The following GPC2 variants were observed in gnomAD, a reference collection of about 807,000 sequenced individuals.
GPC2 encodes the protein glypican 2.
Under a neutral mutation model 57.3 loss-of-function variants are expected in GPC2, and 42 were observed. The ratio of observed to expected loss-of-function variants is 0.73; its 90% CI spans 0.57 to 0.95. The LOEUF is 0.95. Among genes scored for constraint, GPC2 ranks in the 40% least tolerant of loss-of-function variants. GPC2 has a pLI of 0.00. For synonymous variants in GPC2, 364 were observed against 343.4 expected, an observed-to-expected ratio of 1.06 and a Z score of -0.66; for missense variants, 745 against 793.6, an observed-to-expected ratio of 0.94 and a Z score of 0.74.
intron 5 of GPC2, among the ~76,000 whole-genome samples, chr7:100,172,622 T>G (rs1385101789): frequency 6.8e-6 from 1 of 147,082 alleles, no homozygotes. Context: ...CCTGCCACCA[T>G]GCCGGCTAAT....
rs746924048 is a variant in GPC2, at chr7:100,170,364, C to G, written c.1606G>C (p.Gly536Arg). Residue 536 changes from glycine to arginine, a missense_variant, in exon 10 of 10, where the codon GGG (glycine) becomes CGG (arginine). Physicochemically the swap from Gly to Arg is moderately radical, Grantham distance 125. This residue lies in a region of GPC2 where 607 missense variants were observed against 603.9 expected (regional missense o/e 1.01). Transcript: ENST00000292377. ...GCACTGCCACCTCCTCCTTTGCCCC[C>G]AGAACCATCCCTTCTAGGAGGGTAT... ...PPYPPRRDGS[G>R]GKGGGGSARY... 2.4e-5 allele frequency: 38 copies of G among 1,613,338 alleles called. No individual in the cohort carries two copies. In the South Asian group the frequency reaches 4.0e-4, roughly 17 times the overall value.
chr7:100,169,940 C>T lies in GPC2; in HGVS notation c.*290G>A, dbSNP rs372290975. ...CCTCATTTTCTCTGTTGGGGCTGATCACCAGCCCCAGCCTTAGAGGGCTAG... is the reference window on the plus strand; with the variant it reads ...CCTCATTTTCTCTGTTGGGGCTGATTACCAGCCCCAGCCTTAGAGGGCTAG... On this transcript the variant is annotated 3_prime_UTR_variant, in exon 10 of 10. Coordinates refer to ENST00000292377, the MANE Select transcript of GPC2 (RefSeq NM_152742.3). 9.9e-5 allele frequency: 24 copies of T among 242,710 alleles called. No individual in the cohort carries two copies. The East Asian group carries it at 1.5e-3, about 15-fold the overall frequency. The allele number at this position is 242,710 out of a possible 1,614,324, so 15.0% of individuals were successfully genotyped here. A position where few individuals can be genotyped will look rare whatever the true frequency, so the allele number is the denominator to read the frequency against.
chr7:100,172,833 A>T (rs57966707), intron 5 of GPC2, among the ~76,000 whole-genome samples: 36,475 of 146,762 alleles, frequency 0.25, 5,470 homozygotes, highest in East Asian at 0.6. Context: ...ATATATATAT[A>T]TTTTTTTCCG....
In GPC2 at chr7:100,170,346, C is replaced by T; in HGVS notation, c.1624G>A (p.Gly542Ser). Residue 542 changes from glycine to serine, a missense_variant, in exon 10 of 10, where the codon GGC (glycine) becomes AGC (serine). Coordinates refer to ENST00000292377, the MANE Select transcript of GPC2 (RefSeq NM_152742.3). ...CGGCCCTGGTTGTAGCGGGCACTGC[C>T]ACCTCCTCCTTTGCCCCCAGAACCA... ...RDGSGGKGGG[G>S]SARYNQGRSR... 1 of 1,613,434 alleles carries T rather than the reference C, an allele frequency of 6.2e-7. No individual in the cohort carries two copies. The highest frequency in any genetic ancestry group is 8.5e-7 in the Non-Finnish European group (1 of 1,179,770).
At chr7:100,174,878 C>T in intron 3 of GPC2, 113 bp from the exon 4 acceptor site, 1 of 724,570 alleles carries the variant, frequency 1.4e-6, no homozygotes, top group South Asian at 1.8e-5. Flanking sequence ...GGGGTTCTCT[C>T]AGAGTGGGTC....
Position 100,177,064 on chromosome 7 carries a change from A to G in GPC2, c.136T>C (p.Leu46=). ...ATCAGGGCGGGAGGGATTAGGTTTA[A>G]GCTATATCCCCGGGCCCCCAGCACC... ...RQVLGARGYS[L]NLIPPALISG... Residue 46 remains leucine (L), a synonymous_variant, in exon 1 of 10, where the codon TTA becomes CTA. Coordinates refer to ENST00000292377, the MANE Select transcript of GPC2 (RefSeq NM_152742.3). 6.3e-7 allele frequency: 1 copy of G among 1,597,692 alleles called. No homozygotes were observed. Among genetic ancestry groups the G allele is most frequent in the Non-Finnish European group, 8.5e-7 (1 of 1,171,386 alleles).
intron 1 of GPC2, 145 bp from the exon 2 acceptor site, chr7:100,176,510 A>G: frequency 1.4e-6 from 1 of 726,298 alleles, no homozygotes; most frequent in East Asian, 2.7e-5. Flanking sequence ...ACCTGAACCT[A>G]TCCCCTACCT....
At chr7:100,176,533 AC>A (rs1799287505) in intron 1 of GPC2, among the ~76,000 whole-genome samples, 168 bp from the exon 2 acceptor site, 1 of 151,784 alleles carries the variant, frequency 6.6e-6, no homozygotes, top group African/African-American at 2.4e-5. Context: ...TTGTCTCCTG[AC>A]CCATCCCAAG....
rs1035216305 is a variant in GPC2 at position 100,171,049 on chromosome 7, G to A, written c.1486+212C>T. The A allele has an allele frequency of 1.1e-5, 5 of 457,478 alleles. No individual in the cohort carries two copies. In the Admixed American group the frequency reaches 2.1e-4, roughly 19 times the overall value. 28.3% of individuals were successfully genotyped at this position (457,478 alleles called of 1,614,324 possible). On this transcript the variant is annotated intron_variant, in intron 9 of 9. Coordinates refer to ENST00000292377, the MANE Select transcript of GPC2 (RefSeq NM_152742.3). This position sits in a 1 kb window ranked among gnomAD's most constrained non-coding sequence, Gnocchi z 4.8. ...CCCACTGTTCTTTAAGAATGTTTTC[G>A]TGTCTCCCCTACTGGCCTGAAAGGA...
Position 100,176,255 on chromosome 7 carries a change from C to T in GPC2, c.277G>A (p.Gly93Ser), listed in dbSNP as rs978716287. The T allele has an allele frequency of 1.2e-5, 19 of 1,613,772 alleles. No individual in the cohort carries two copies. The East Asian group carries it at 1.6e-4, about 13-fold the overall frequency. Residue 93 changes from glycine (G) to serine (S), a missense_variant, in exon 2 of 10, where the codon GGC (glycine) becomes AGC (serine). Physicochemically the swap from Gly to Ser is moderately conservative, Grantham distance 56. Transcript: ENST00000292377. ...ATFRGLVEDS[G>S]SFLVHTLAAR... The stretch of plus-strand genomic sequence containing the variant: ...GCCAGTGTGTGAACCAGAAAGGAGC[C>T]GCTGTCCTCCACCAGGCCTCGGAAG...
At chr7:100,172,671 ATGTGTGTGTGTGTG>A (rs905651769) in intron 5 of GPC2, among the ~76,000 whole-genome samples, 3 of 142,830 alleles carry the variant, frequency 2.1e-5, no homozygotes, top group East Asian at 4.0e-4. Flanking sequence ...ATATATATAT[ATGTGTGTGTGTGTG>A]TATATATATA....
chr7:100,170,528 G>C (rs775566672), intron 9 of GPC2, 45 bp from the exon 10 acceptor site: 2 of 1,392,768 alleles, frequency 1.4e-6, no homozygotes, highest in Non-Finnish European at 1.9e-6. Context: ...GGGAGAAGCA[G>C]AGGGAGACAG....
At position 100,173,938 on chromosome 7, in the gene GPC2, GCA is replaced by G; in HGVS notation, c.787_788del (p.Cys263ProfsTer29). On this transcript the variant is annotated frameshift_variant, in exon 5 of 10. Transcript: ENST00000292377. LOFTEE classifies it high-confidence loss of function. The part of the protein sequence containing the change: ...ALMRLIGCPL[C>X]RGVPSLMPCQ... ...AGGGCATAAGTGAGGGGACCCCCCG[GCA>G]CAGGGGACAGCCGATGAGACGCATC... is the stretch of plus-strand genomic sequence containing the variant. 6.2e-7 allele frequency: 1 copy of G among 1,602,332 alleles called. No individual in the cohort carries two copies. Among genetic ancestry groups the G allele is most frequent in the Non-Finnish European group, 8.5e-7 (1 of 1,174,682 alleles).
chr7:100,172,649 A>G (rs13239162), intron 5 of GPC2, among the ~76,000 whole-genome samples: 28 of 118,130 alleles, frequency 2.4e-4, no homozygotes, highest in South Asian at 7.9e-4. Context: ...ATATATATAT[A>G]TGTGTGTGTG....
rs776660460 is a variant in GPC2 at position 100,172,649 on chromosome 7, A to ATATATATATGTG, written c.893-433_893-432insCACATATATATA. Among the ~76,000 whole-genome samples, 133 of 118,130 alleles carry ATATATATATGTG rather than the reference A, an allele frequency of 1.1e-3. 3 individuals are homozygous for ATATATATATGTG. In the East Asian group the frequency reaches 0.014, roughly 13 times the overall value. 77.5% of individuals were successfully genotyped at this position (118,130 alleles called of 152,430 possible). On this transcript the variant is annotated intron_variant, in intron 5 of 9. Coordinates refer to ENST00000292377, the MANE Select transcript of GPC2 (RefSeq NM_152742.3). ...CCGGCTAATTTTTGTATATATATAT[A>ATATATATATGTG]TGTGTGTGTGTATATATATATATGT...
At position 100,171,249 on chromosome 7, in the gene GPC2, C is replaced by T; in HGVS notation, c.1486+12G>A. On this transcript the variant is annotated intron_variant, in intron 9 of 9. Transcript: ENST00000292377. The surrounding 1 kb of genome is among the most constrained non-coding windows in gnomAD (Gnocchi z 4.8). ...TGGGCGGGGCTCAGGCTCAGGGATG[C>T]AGGGGTCTCACCCGCGTCCTGCCCG... The T allele has an allele frequency of 6.6e-7, 1 of 1,526,358 alleles. No homozygotes were observed. The highest frequency in any genetic ancestry group is 8.8e-7 in the Non-Finnish European group (1 of 1,135,812). 94.6% of individuals were successfully genotyped at this position (1,526,358 alleles called of 1,614,324 possible). A position where few individuals can be genotyped will look rare whatever the true frequency, so the allele number is the denominator to read the frequency against.
At chr7:100,176,160 C>G in intron 2 of GPC2, 47 bp downstream of exon 2, 1 of 1,535,314 alleles carries the variant, frequency 6.5e-7, no homozygotes, top group Non-Finnish European at 8.8e-7. Flanking sequence ...GGGTCCTAAG[C>G]ACCGAGAGGA....
Position 100,173,988 on chromosome 7 carries a change from A to G in GPC2, c.739T>C (p.Ser247Pro). ...ATCAGAGCCTGGCTGCAGCCTTCAG[A>G]CACCGGCACCTGGGGGCAGAGAGTG... is the stretch of plus-strand genomic sequence containing the variant. ...VVSEALKVPV[S>P]EGCSQALMRL... is the part of the protein sequence containing the mutation. The change falls in exon 5 of 10, where the codon TCT becomes CCT. Residue 247 changes from serine to proline, a missense_variant. Coordinates refer to ENST00000292377, the MANE Select transcript of GPC2 (RefSeq NM_152742.3). 1.3e-6 allele frequency: 2 copies of G among 1,575,460 alleles called. No individual in the cohort carries two copies. Among genetic ancestry groups the G allele is most frequent in the Non-Finnish European group, 1.7e-6 (2 of 1,161,832 alleles).
intron 1 of GPC2, 84 bp from the exon 2 acceptor site, chr7:100,176,449 CT>C (rs2116992458): frequency 7.8e-7 from 1 of 1,285,824 alleles, no homozygotes. Flanking sequence ...GGGACTATGC[CT>C]TCTCTTCTAC....
Sources: allele counts gnomAD v4.1 joint callset (sites outside exome capture counted in the v4.1 genomes callset), GRCh38; gene constraint gnomAD v4.1.1; regional missense constraint gnomAD v4.1.1; non-coding constraint Gnocchi (gnomAD v3.1); transcripts MANE v1.5; gene names NCBI Gene and HGNC (gene_info 2026-07-23, HGNC 2026-07-21).